The following KTN1 variants were observed in gnomAD, a reference collection of about 807,000 sequenced individuals.
KTN1 encodes the protein kinectin.
Under a neutral mutation model 222.5 loss-of-function variants are expected in KTN1, and 130 were observed. That is an observed-to-expected ratio of 0.58 (90% confidence interval 0.51 to 0.68). The LOEUF is 0.68. KTN1 is among the 30% of genes least tolerant of loss of function. The pLI, the probability that KTN1 is intolerant of heterozygous loss-of-function variation, is 0.00. For synonymous variants in KTN1, 512 were observed against 496.3 expected (o/e 1.03, Z -0.42); for missense variants, 1,508 against 1,500.4 (o/e 1.01, Z -0.08).
chr14:55,653,478 G>A, intron 27 of KTN1, 81 bp from the exon 28 acceptor site: 3 of 1,019,450 alleles, frequency 2.9e-6, no homozygotes, highest in East Asian at 2.5e-5. Context: ...TTTATTGGTG[G>A]GTGATTCCAT....
At chr14:55,608,882 G>A (rs113738688) in intron 1 of KTN1, among the ~76,000 whole-genome samples, 9,184 of 151,816 alleles carry the variant, frequency 0.06, 380 homozygotes, top group South Asian at 0.09. Flanking sequence ...CGCCTGCCTC[G>A]GCCTCCCAAA....
intron 12 of KTN1, among the ~76,000 whole-genome samples, chr14:55,638,569 A>G (rs2041407469): frequency 6.6e-6 from 1 of 150,750 alleles, no homozygotes; most frequent in African/African-American, 2.4e-5. Context: ...TGACCATATA[A>G]ATATATTTTT....
At chr14:55,635,620 A>G (rs1390899409) in intron 9 of KTN1, among the ~76,000 whole-genome samples, 1 of 152,218 alleles carries the variant, frequency 6.6e-6, no homozygotes, top group Non-Finnish European at 1.5e-5. Flanking sequence ...GGAGGAGCAG[A>G]TTCATTTATC....
At chr14:55,664,191 A>T in intron 33 of KTN1, 150 bp downstream of exon 33, 1 of 586,482 alleles carries the variant, frequency 1.7e-6, no homozygotes. Flanking sequence ...TGCTTTTTTC[A>T]TCTACTCCTT....
At position 55,637,379 on chromosome 14, in the gene KTN1, T is replaced by C; in HGVS notation, c.1716+15T>C. 1 of 1,410,236 alleles carries C rather than the reference T, an allele frequency of 7.1e-7. No homozygotes were observed. Among genetic ancestry groups the C allele is most frequent in the South Asian group, 1.4e-5 (1 of 69,586 alleles). 87.4% of individuals were successfully genotyped at this position (1,410,236 alleles called of 1,614,324 possible). On this transcript the variant is annotated intron_variant, in intron 11 of 43. Transcript: ENST00000395314. ...TGCAGGTTCAGGTATTTTTTCTTCT[T>C]TTTTTTTTTTTAAAAAAATACAGGT...
At chr14:55,661,664 G>T in intron 32 of KTN1, 52 bp downstream of exon 32, 1 of 898,718 alleles carries the variant, frequency 1.1e-6, no homozygotes, top group South Asian at 1.8e-5. Context: ...CTTTAACACT[G>T]AAATATGGTT....
chr14:55,583,605 A>G (rs921726436), intron 1 of KTN1, among the ~76,000 whole-genome samples: 1 of 152,104 alleles, frequency 6.6e-6, no homozygotes, highest in Non-Finnish European at 1.5e-5. Flanking sequence ...TGTTCATTCT[A>G]TCTTACATCT....
Position 55,656,043 on chromosome 14 carries a change from T to C in KTN1, c.2803T>C (p.Leu935=). 6.3e-7 allele frequency: 1 copy of C among 1,590,714 alleles called. No individual in the cohort carries two copies. Among genetic ancestry groups the C allele is most frequent in the Non-Finnish European group, 8.6e-7 (1 of 1,165,460 alleles). The change falls in exon 29 of 44, where the codon TTG becomes CTG. Residue 935 remains leucine (L), a splice_region_variant and synonymous_variant. Coordinates refer to ENST00000395314, the MANE Select transcript of KTN1 (RefSeq NM_001079521.2). ...GCAGATCTTTGTAAAAAATTCTAGGTTGAAAGAAAAGGAAAATGAATTGAA... is the reference window on the plus strand; with the variant it reads ...GCAGATCTTTGTAAAAAATTCTAGGCTGAAAGAAAAGGAAAATGAATTGAA... ...ASQFEELEIV[L]KEKENELKRL... is the part of the protein sequence containing the mutation.
Position 55,659,678 on chromosome 14 carries a change from C to A in KTN1, c.2974C>A (p.Pro992Thr). ...ACTCTTTTGATAGGCATCTTCTTTT[C>A]CCCCTCATGAAGAATTATTAAAAGT... ...QQNYQQASSF[P>T]PHEELLKVIS... The change falls in exon 31 of 44, where the codon CCC (proline) becomes ACC (threonine). Residue 992 changes from proline to threonine, a missense_variant. Pro to Thr is a conservative substitution (Grantham distance 38). Transcript: ENST00000395314. The A allele has an allele frequency of 6.7e-7, 1 of 1,501,720 alleles. No individual in the cohort carries two copies. Among genetic ancestry groups the A allele is most frequent in the Non-Finnish European group, 9.3e-7 (1 of 1,079,500 alleles). 93.0% of individuals were successfully genotyped at this position (1,501,720 alleles called of 1,614,324 possible).
chr14:55,609,467 G>C (rs538595824), intron 1 of KTN1, among the ~76,000 whole-genome samples: 192 of 152,332 alleles, frequency 1.3e-3, no homozygotes, highest in African/African-American at 4.5e-3. Flanking sequence ...AGAGACTCCC[G>C]TGAAAATCCA....
intron 1 of KTN1, chr14:55,601,739 A>G (rs1311462036): frequency 6.6e-6 from 1 of 151,862 alleles, no homozygotes; most frequent in Non-Finnish European, 1.5e-5. Context: ...AGTGCTTTAT[A>G]TTTTTTCTTT....
Position 55,651,893 on chromosome 14 carries a change from T to C in KTN1, c.2569T>C (p.Ser857Pro), listed in dbSNP as rs2042962683. Residue 857 changes from serine (S) to proline (P), a missense_variant, in exon 25 of 44, where the codon TCT becomes CCT. By Grantham distance (74) the Ser-to-Pro change is moderately conservative. Coordinates refer to ENST00000395314, the MANE Select transcript of KTN1 (RefSeq NM_001079521.2). The stretch of plus-strand genomic sequence containing the variant: ...TTTTCTGTCCTTTGTATTTCAGTTA[T>C]CTATCACTTCCAAAGTTCAGGAGCT... ...NVQLEKAQQLSITSKVQELQN... is the reference protein window; with the variant it reads ...NVQLEKAQQLPITSKVQELQN... The C allele has an allele frequency of 1.3e-6, 2 of 1,558,982 alleles. No individual in the cohort carries two copies. Among genetic ancestry groups the C allele is most frequent in the Admixed American group, 1.7e-5 (1 of 57,306 alleles).
intron 43 of KTN1, chr14:55,683,444 A>G (rs2046536414): frequency 6.6e-6 from 1 of 152,186 alleles, no homozygotes; most frequent in South Asian, 2.1e-4. Flanking sequence ...CATCTCCGAA[A>G]ACAAGACATT....
At position 55,612,577 on chromosome 14, in the gene KTN1, GTAATCTATT is replaced by G. The variant is rs1170707179; in HGVS notation, c.523+20_523+28del. 5 of 1,568,950 alleles carry G rather than the reference GTAATCTATT, an allele frequency of 3.2e-6. No homozygotes were observed. Among genetic ancestry groups the G allele is most frequent in the Non-Finnish European group, 3.4e-6 (4 of 1,165,086 alleles). ...GAAGTCTAAAAATGGAAGCGGTATT[GTAATCTATT>G]TAATCTATTTAATTTTATTGTATGA... On this transcript the variant is annotated splice_region_variant and intron_variant, in intron 2 of 43. Coordinates refer to ENST00000395314, the MANE Select transcript of KTN1 (RefSeq NM_001079521.2).
At chr14:55,597,514 A>G (rs935513032) in intron 1 of KTN1, among the ~76,000 whole-genome samples, 1 of 152,210 alleles carries the variant, frequency 6.6e-6, no homozygotes, top group African/African-American at 2.4e-5. Context: ...GCTGTTTCTT[A>G]AATAGCAATG....
intron 7 of KTN1, 54 bp from the exon 8 acceptor site, chr14:55,633,181 G>T: frequency 2.2e-6 from 2 of 919,454 alleles, no homozygotes; most frequent in Non-Finnish European, 3.2e-6. Flanking sequence ...TATTTTAAAA[G>T]TTAGCTTTGA....
intron 40 of KTN1, chr14:55,674,907 A>G (rs941063047): frequency 7.9e-5 from 12 of 152,162 alleles, no homozygotes; most frequent in African/African-American, 2.9e-4. Context: ...TTGGGCCAAA[A>G]GATTAATTTC....
At chr14:55,631,883 T>G (rs183332182) in intron 7 of KTN1, among the ~76,000 whole-genome samples, 3 of 152,318 alleles carry the variant, frequency 2.0e-5, no homozygotes, top group Admixed American at 1.3e-4. Context: ...TGGCTGATAT[T>G]AATAGGTTTG....
At chr14:55,653,828 TC>T (rs1238638289) in intron 28 of KTN1, among the ~76,000 whole-genome samples, 1 of 152,202 alleles carries the variant, frequency 6.6e-6, no homozygotes, top group East Asian at 1.9e-4. Context: ...ACCCATTTTT[TC>T]AATTATTCTT....
Sources: gnomAD v4.1 joint callset for allele counts (sites outside exome capture counted in the v4.1 genomes callset) on GRCh38, gnomAD v4.1.1 for gene constraint, MANE v1.5 for transcripts, NCBI Gene and HGNC (gene_info 2026-07-23, HGNC 2026-07-21) for gene names.